Variants in AGMO observed in about 807,000 individuals in gnomAD.
AGMO encodes the protein glyceryl-ether monooxygenase.
Under a neutral mutation model 60.2 loss-of-function variants are expected in AGMO, and 75 were observed. The observed-to-expected ratio is 1.25, with a 90% CI of 1.03 to 1.51. The LOEUF (loss-of-function observed/expected upper bound fraction) is 1.51, where lower values mean the gene tolerates loss of function less well. Ranked by LOEUF, AGMO falls within the 40% of genes most tolerant of loss-of-function variation. The pLI is 0.00. For synonymous variants in AGMO, 261 were observed against 177.1 expected, an observed-to-expected ratio of 1.47 and a Z score of -3.76; for missense variants, 763 against 525.5, an observed-to-expected ratio of 1.45 and a Z score of -4.42.
intron 3 of AGMO, among the ~76,000 whole-genome samples, chr7:15,438,498 C>A (rs2128500869): frequency 6.6e-6 from 1 of 152,244 alleles, no homozygotes; most frequent in South Asian, 2.1e-4. Context: ...TTATTCATTA[C>A]AGAGACTATA....
At chr7:15,191,144 T>C in the AGMO span, among the ~76,000 whole-genome samples, 1 of 152,122 alleles carries the variant, frequency 6.6e-6, no homozygotes, top group African/African-American at 2.4e-5. Context: ...CATGGAAATA[T>C]TACATAAAAT....
At chr7:15,269,984 T>C (rs911718479) in intron 12 of AGMO, among the ~76,000 whole-genome samples, 3 of 152,116 alleles carry the variant, frequency 2.0e-5, no homozygotes, top group Non-Finnish European at 4.4e-5. Context: ...GGTGTATATA[T>C]ACCACATTGT....
intron 3 of AGMO, among the ~76,000 whole-genome samples, chr7:15,534,735 T>C (rs1421507364): frequency 1.3e-5 from 2 of 151,872 alleles, no homozygotes; most frequent in Non-Finnish European, 2.9e-5. Flanking sequence ...ATATATTATA[T>C]CTTTATAAGG....
At chr7:15,119,949 A>C in the AGMO span, among the ~76,000 whole-genome samples, 1 of 148,292 alleles carries the variant, frequency 6.7e-6, no homozygotes. Context: ...TTTTTTTTCT[A>C]AATCCAGTTT....
At chr7:15,454,199 GA>G (rs895696683) in intron 3 of AGMO, among the ~76,000 whole-genome samples, 9 of 151,970 alleles carry the variant, frequency 5.9e-5, no homozygotes, top group African/African-American at 2.2e-4. Context: ...AAGGAAAAAA[GA>G]AACACACACT....
chr7:15,424,347 A>G (rs1366836819), intron 4 of AGMO, among the ~76,000 whole-genome samples: 1 of 152,158 alleles, frequency 6.6e-6, no homozygotes, highest in Non-Finnish European at 1.5e-5. Context: ...GTGATGCACT[A>G]TCATAATAAG....
intron 3 of AGMO, among the ~76,000 whole-genome samples, chr7:15,508,519 A>G (rs1379529567): frequency 6.6e-6 from 1 of 152,148 alleles, no homozygotes; most frequent in Admixed American, 6.6e-5. Flanking sequence ...TCTGTTAGGA[A>G]GTGGGTAATA....
chr7:15,450,600 C>T (rs1382450310), intron 3 of AGMO, among the ~76,000 whole-genome samples: 3 of 152,106 alleles, frequency 2.0e-5, no homozygotes, highest in Non-Finnish European at 2.9e-5. Flanking sequence ...AATATTTACA[C>T]AAATAATATT....
rs533209450 is a variant in AGMO, at chr7:15,395,464, G to A, written c.610-1285C>T. On this transcript the variant is annotated intron_variant, in intron 5 of 12. Transcript: ENST00000342526. ...AAAAACAAAAATTTATAATAAACAG[G>A]GTATTAATAGGAAAAAATATTTTCA... is the stretch of plus-strand genomic sequence containing the variant. Among the ~76,000 whole-genome samples the A allele has an allele frequency of 5.9e-4, 84 of 141,688 alleles. No individual in the cohort carries two copies. The South Asian group carries it at 8.1e-3, about 14-fold the overall frequency. The allele number at this position is 141,688 out of a possible 152,430, so 93.0% of individuals were successfully genotyped here.
In AGMO at chr7:15,234,132, C is replaced by T. The variant is rs545123044; in HGVS notation, c.1264-32773G>A. ...CCTGAAACTTCACTACTGACTACAA[C>T]TTCCGAAAATGAGATTAAATATAGT... On this transcript the variant is annotated intron_variant, in intron 12 of 12. Transcript: ENST00000342526. Among the ~76,000 whole-genome samples the T allele has an allele frequency of 2.6e-5, 4 of 152,286 alleles. No homozygotes were observed. The East Asian group carries it at 5.8e-4, about 22-fold the overall frequency.
chr7:15,119,116 T>C, the AGMO span, among the ~76,000 whole-genome samples: 1 of 151,876 alleles, frequency 6.6e-6, no homozygotes, highest in Non-Finnish European at 1.5e-5. Context: ...GAAGGAGTTC[T>C]GGGCATCTGA....
the AGMO span, among the ~76,000 whole-genome samples, chr7:15,119,606 C>T: frequency 6.6e-6 from 1 of 152,040 alleles, no homozygotes; most frequent in African/African-American, 2.4e-5. Context: ...TGTATTAATC[C>T]CTTCATTCTT....
At chr7:15,556,621 T>A (rs1785148756) in intron 2 of AGMO, among the ~76,000 whole-genome samples, 2 of 152,184 alleles carry the variant, frequency 1.3e-5, no homozygotes, top group East Asian at 3.9e-4. Flanking sequence ...GGAAATTGAG[T>A]TCTGCTTAAA....
At chr7:15,384,980 C>G (rs980313701) in intron 10 of AGMO, among the ~76,000 whole-genome samples, 14 of 151,718 alleles carry the variant, frequency 9.2e-5, no homozygotes, top group African/African-American at 3.4e-4. Context: ...TCTATTTGCA[C>G]CAGACAAATT....
At chr7:15,259,675 A>G (rs528620568) in intron 12 of AGMO, among the ~76,000 whole-genome samples, 1 of 152,182 alleles carries the variant, frequency 6.6e-6, no homozygotes, top group East Asian at 1.9e-4. Flanking sequence ...CAGGTCACCT[A>G]TAAAGGAAAA....
At chr7:15,305,395 GAGTAA>G (rs1780583600) in intron 12 of AGMO, among the ~76,000 whole-genome samples, 1 of 151,902 alleles carries the variant, frequency 6.6e-6, no homozygotes, top group Non-Finnish European at 1.5e-5. Flanking sequence ...TGAGCAATTT[GAGTAA>G]AGTATTTTCC....
chr7:15,129,126 C>A, the AGMO span, among the ~76,000 whole-genome samples: 1 of 152,012 alleles, frequency 6.6e-6, no homozygotes, highest in Non-Finnish European at 1.5e-5. Flanking sequence ...GGGGAAAGGA[C>A]AGGTGAGCTG....
chr7:15,284,219 C>A (rs1406518924), intron 12 of AGMO, among the ~76,000 whole-genome samples: 1 of 151,646 alleles, frequency 6.6e-6, no homozygotes, highest in African/African-American at 2.4e-5. Flanking sequence ...CAAGTAAATA[C>A]ACAACAAAGA....
Position 15,430,999 on chromosome 7 carries a change from A to T in AGMO, c.513+6T>A, listed in dbSNP as rs1416055014. ...TACCATGTTTATTCCATTTCATACA[A>T]CTTACCCAGGAAGTATATATCTGGA... On this transcript the variant is annotated splice_donor_region_variant and intron_variant, in intron 4 of 12. Transcript: ENST00000342526. 1 of 1,546,016 alleles carries T rather than the reference A, an allele frequency of 6.5e-7. No individual in the cohort carries two copies. The highest frequency in any genetic ancestry group is 1.7e-4 in the Middle Eastern group (1 of 5,884).
Sources: allele counts gnomAD v4.1 joint callset (sites outside exome capture counted in the v4.1 genomes callset), GRCh38; gene constraint gnomAD v4.1.1; transcripts MANE v1.5; gene names NCBI Gene and HGNC (gene_info 2026-07-23, HGNC 2026-07-21).